The following EFHD1 variants were observed in gnomAD, a reference collection of about 807,000 sequenced individuals.
The protein encoded by EFHD1 is EF-hand domain-containing protein D1.
A neutral mutation model predicts 17.2 loss-of-function variants in EFHD1; 10 were observed. The observed-to-expected ratio is 0.58, with a 90% CI of 0.36 to 0.99. EFHD1 has a LOEUF of 0.99. EFHD1 is among the 50% of genes least tolerant of loss of function. EFHD1 has a pLI of 0.01. For missense variants in EFHD1, 310 were observed against 327.5 expected (o/e 0.95, Z 0.41); for synonymous variants, 153 against 142.0 (o/e 1.08, Z -0.55).
intron 3 of EFHD1, among the ~76,000 whole-genome samples, chr2:232,679,993 C>T: frequency 6.6e-6 from 1 of 152,080 alleles, no homozygotes; most frequent in Non-Finnish European, 1.5e-5. Context: ...GTACATAAGG[C>T]TGGGTGTGGT....
chr2:232,662,318 T>C (rs1438317989), intron 1 of EFHD1, among the ~76,000 whole-genome samples: 3 of 152,042 alleles, frequency 2.0e-5, no homozygotes, highest in Non-Finnish European at 1.5e-5. Flanking sequence ...GCAACTTCCC[T>C]AGACCTGGGA....
intron 1 of EFHD1, among the ~76,000 whole-genome samples, chr2:232,645,038 C>T (rs1694503657): frequency 6.6e-6 from 1 of 151,260 alleles, no homozygotes; most frequent in African/African-American, 2.4e-5. Flanking sequence ...GCCTCAGCCT[C>T]CTAAAATGCT....
chr2:232,672,070 A>G (rs1695080269), intron 2 of EFHD1, among the ~76,000 whole-genome samples: 1 of 152,096 alleles, frequency 6.6e-6, no homozygotes, highest in Non-Finnish European at 1.5e-5. Context: ...AAAAAAAAAA[A>G]GTTTGAATCG....
chr2:232,635,072 G>C (rs1000040665), intron 1 of EFHD1, among the ~76,000 whole-genome samples: 2 of 152,212 alleles, frequency 1.3e-5, no homozygotes, highest in Non-Finnish European at 2.9e-5. Flanking sequence ...CGCCTCCTCT[G>C]CCTCCCTGAC....
intron 1 of EFHD1, among the ~76,000 whole-genome samples, chr2:232,643,209 A>G (rs1033186323): frequency 6.6e-6 from 1 of 151,950 alleles, no homozygotes; most frequent in Non-Finnish European, 1.5e-5. Context: ...AAAAGAAAAA[A>G]TAAACAATGA....
intron 1 of EFHD1, among the ~76,000 whole-genome samples, chr2:232,648,254 T>C (rs1317325194): frequency 6.6e-6 from 1 of 151,488 alleles, no homozygotes; most frequent in Non-Finnish European, 1.5e-5. Flanking sequence ...GAGCTGGGAG[T>C]TTATCGGACA....
Position 232,650,915 on chromosome 2 carries a change from C to T in EFHD1, c.303-11887C>T, listed in dbSNP as rs144554582. The stretch of plus-strand genomic sequence containing the variant: ...AAAAATATATATGTATATGGATTAA[C>T]GTTTAAATTATAGGGAAAAAAAGAG... On this transcript the variant is annotated intron_variant, in intron 1 of 3. Coordinates refer to ENST00000264059, the MANE Select transcript of EFHD1 (RefSeq NM_025202.4). Among the ~76,000 whole-genome samples the T allele has an allele frequency of 1.6e-3, 242 of 151,904 alleles. 1 individual carries two copies. Among genetic ancestry groups the T allele is most frequent in the African/African-American group, 5.6e-3 (230 of 41,402 alleles).
In EFHD1 at chr2:232,617,526, C is replaced by T. The variant is rs371506172; in HGVS notation, c.14+11353C>T. On this transcript the variant is annotated intron_variant, in intron 1 of 3. Coordinates refer to the EFHD1 transcript ENST00000409613. ...AAAATTAGCCAGGCGTGGTGGTGGG[C>T]GCCTGTAGTCCCAGCTATTCGGGAG... 1.6e-3 allele frequency among the ~76,000 whole-genome samples: 234 copies of T among 150,948 alleles called. 1 individual carries two copies. Among genetic ancestry groups the T allele is most frequent in the Non-Finnish European group, 2.8e-3 (187 of 67,756 alleles).
At chr2:232,608,922 C>T (rs1693764888) in intron 1 of EFHD1, among the ~76,000 whole-genome samples, 1 of 151,704 alleles carries the variant, frequency 6.6e-6, no homozygotes, top group African/African-American at 2.4e-5. Context: ...GAGCAAGACT[C>T]CATCTCAAAA....
At position 232,662,871 on chromosome 2, in the gene EFHD1, C is replaced by CT. The variant is rs1263999341; in HGVS notation, c.372_373insT (p.Pro125SerfsTer16). ...AGCTGATGATGGAGAAGCTGGGGGCCCCCCAGACCCACCTGGGCCTGAAGA... is the reference window on the plus strand; with the variant it reads ...AGCTGATGATGGAGAAGCTGGGGGCCTCCCCAGACCCACCTGGGCCTGAAGA... On this transcript the variant is annotated frameshift_variant, in exon 2 of 4. Coordinates refer to ENST00000264059, the MANE Select transcript of EFHD1 (RefSeq NM_025202.4). LOFTEE classifies it high-confidence loss of function. The CT allele has an allele frequency of 1.3e-6, 2 of 1,594,966 alleles. No individual in the cohort carries two copies. Among genetic ancestry groups the CT allele is most frequent in the African/African-American group, 2.7e-5 (2 of 73,506 alleles).
chr2:232,626,328 T>C (rs926571636), intron 1 of EFHD1, among the ~76,000 whole-genome samples: 3 of 152,064 alleles, frequency 2.0e-5, no homozygotes, highest in African/African-American at 7.2e-5. Context: ...GGCGGATCAC[T>C]TGAGATCAGG....
intron 1 of EFHD1, among the ~76,000 whole-genome samples, chr2:232,642,915 A>G (rs1435398066): frequency 6.6e-6 from 1 of 152,160 alleles, no homozygotes; most frequent in Non-Finnish European, 1.5e-5. Context: ...CAAATGATGG[A>G]AAACTCTGCC....
chr2:232,623,902 G>C (rs938885591), intron 1 of EFHD1, among the ~76,000 whole-genome samples: 7 of 152,078 alleles, frequency 4.6e-5, no homozygotes, highest in African/African-American at 1.7e-4. Flanking sequence ...TGCAGAGAAG[G>C]GGAAGAGAGA....
chr2:232,610,253 G>A (rs1693788062), intron 1 of EFHD1, among the ~76,000 whole-genome samples: 1 of 152,240 alleles, frequency 6.6e-6, no homozygotes, highest in South Asian at 2.1e-4. Context: ...TGGAGGTTGG[G>A]TGTGGGAGTG....
intron 2 of EFHD1, among the ~76,000 whole-genome samples, chr2:232,668,493 G>A (rs1356336422): frequency 2.6e-5 from 4 of 152,278 alleles, no homozygotes; most frequent in African/African-American, 4.8e-5. Context: ...CATGAAGCCC[G>A]TCCGTAAACT....
At chr2:232,665,870 C>T (rs2106213346) in intron 2 of EFHD1, among the ~76,000 whole-genome samples, 1 of 152,298 alleles carries the variant, frequency 6.6e-6, no homozygotes, top group East Asian at 1.9e-4. Flanking sequence ...TGTTGGAGTA[C>T]TGGCACCCTG....
At chr2:232,627,002 T>C (rs937056850) in intron 1 of EFHD1, among the ~76,000 whole-genome samples, 1 of 141,358 alleles carries the variant, frequency 7.1e-6, no homozygotes, top group Non-Finnish European at 1.5e-5. Context: ...CTGGGCAACA[T>C]AGTGAGATCC....
chr2:232,646,418 T>TTTCTC (rs1381063704), intron 1 of EFHD1, among the ~76,000 whole-genome samples: 2 of 150,998 alleles, frequency 1.3e-5, no homozygotes, highest in African/African-American at 2.4e-5. Flanking sequence ...GATTCTCTCT[T>TTTCTC]TTCTCTTCTC....
At chr2:232,666,654 A>G (rs567959914) in intron 2 of EFHD1, among the ~76,000 whole-genome samples, 7 of 152,330 alleles carry the variant, frequency 4.6e-5, no homozygotes, top group Non-Finnish European at 1.0e-4. Context: ...GGAAATCTCC[A>G]AAGGGTTCCT....
Sources: allele counts gnomAD v4.1 joint callset (sites outside exome capture counted in the v4.1 genomes callset), GRCh38; gene constraint gnomAD v4.1.1; transcripts MANE v1.5; gene names NCBI Gene and HGNC (gene_info 2026-07-23, HGNC 2026-07-21).